Variants in GRHL2 observed in about 807,000 individuals in gnomAD.
GRHL2 encodes grainyhead like transcription factor 2, also known as grainyhead-like protein 2 homolog.
A neutral mutation model predicts 83.8 loss-of-function variants in GRHL2; 21 were observed. The observed-to-expected ratio is 0.25, with a 90% CI of 0.18 to 0.36. GRHL2 has a LOEUF of 0.36. GRHL2 is among the 10% of genes least tolerant of loss of function. The probability of loss-of-function intolerance (pLI) is 1.00; values close to 1 mark genes in which losing one functional copy is unlikely to be tolerated. For missense variants in GRHL2, 623 were observed against 781.8 expected (o/e 0.80, Z 2.42); for synonymous variants, 280 against 278.9 (o/e 1.00, Z -0.04).
chr8:101,556,413 C>T (rs1466074242), intron 3 of GRHL2, among the ~76,000 whole-genome samples: 5 of 152,118 alleles, frequency 3.3e-5, no homozygotes, highest in South Asian at 2.1e-4. Context: ...CAGAAGAATC[C>T]GTAAATTAGT....
chr8:101,652,456 CTGGTGTGTG>C (rs1813671150), intron 14 of GRHL2, among the ~76,000 whole-genome samples: 1 of 12,818 alleles, frequency 7.8e-5, no homozygotes, highest in Admixed American at 7.7e-4. Flanking sequence ...TGGTGTGTGT[CTGGTGTGTG>C]TGGTGTGTGT....
At chr8:101,542,853 T>C in intron 1 of GRHL2, 1 of 457,736 alleles carries the variant, frequency 2.2e-6, no homozygotes, top group Non-Finnish European at 4.4e-6. Flanking sequence ...TCAGTCACAA[T>C]GAACCCACTC....
chr8:101,539,552 G>C (rs1285401030), intron 1 of GRHL2, among the ~76,000 whole-genome samples: 1 of 152,064 alleles, frequency 6.6e-6, no homozygotes, highest in East Asian at 1.9e-4. Flanking sequence ...TAGAACCTCA[G>C]GAGTCCACCA....
In GRHL2 at chr8:101,596,443, G is replaced by A. The variant is rs560236469; in HGVS notation, c.1004-2614G>A. ...TTCACTTCTAAGAATATATATTAAC[G>A]AAATATAATTAAGCATATATGAATT... On this transcript the variant is annotated intron_variant, in intron 7 of 15. Coordinates refer to ENST00000646743, the MANE Select transcript of GRHL2 (RefSeq NM_024915.4). Among the ~76,000 whole-genome samples the A allele has an allele frequency of 6.8e-4, 103 of 152,008 alleles. 2 individuals are homozygous for A. In the South Asian group the frequency reaches 0.017, roughly 25 times the overall value.
rs5893575 is a variant in GRHL2, at chr8:101,601,159, A to AACACAC, written c.1098+2033_1098+2038dup. On this transcript the variant is annotated intron_variant, in intron 8 of 15. Transcript: ENST00000646743. ...TGGGTAACAGTATGAGACTGTCTTA[A>AACACAC]ACACACACACACACACACACACACA... 9.5e-3 allele frequency among the ~76,000 whole-genome samples: 1,307 copies of AACACAC among 137,462 alleles called. 24 individuals are homozygous for AACACAC. Among genetic ancestry groups the AACACAC allele is most frequent in the African/African-American group, 0.035 (1,218 of 35,114 alleles). 90.2% of individuals were successfully genotyped at this position (137,462 alleles called of 152,430 possible).
chr8:101,665,512 A>G (rs1458596292), intron 15 of GRHL2, among the ~76,000 whole-genome samples: 1 of 152,186 alleles, frequency 6.6e-6, no homozygotes, highest in Non-Finnish European at 1.5e-5. Flanking sequence ...ATTCACTAAA[A>G]TGCACGTTAT....
At chr8:101,654,495 C>A (rs1813742790) in intron 14 of GRHL2, among the ~76,000 whole-genome samples, 1 of 152,156 alleles carries the variant, frequency 6.6e-6, no homozygotes, top group African/African-American at 2.4e-5. Context: ...CTACTGAACA[C>A]CCAACTCCCT....
intron 7 of GRHL2, among the ~76,000 whole-genome samples, chr8:101,592,711 T>C (rs1467327477): frequency 1.3e-5 from 2 of 152,146 alleles, no homozygotes; most frequent in Admixed American, 1.3e-4. Flanking sequence ...CCCTCAAGCC[T>C]GTAAGCCATG....
intron 8 of GRHL2, among the ~76,000 whole-genome samples, chr8:101,616,997 C>T (rs1812869955): frequency 1.3e-5 from 2 of 152,106 alleles, no homozygotes; most frequent in Non-Finnish European, 2.9e-5. Context: ...ATACTTTATC[C>T]ATCATCTCAC....
chr8:101,658,805 C>A (rs1185346669), intron 14 of GRHL2, among the ~76,000 whole-genome samples: 1 of 152,010 alleles, frequency 6.6e-6, no homozygotes, highest in Non-Finnish European at 1.5e-5. Context: ...TCCAAGTAAC[C>A]CTAACCAAAG....
chr8:101,574,770 G>A (rs532250998), intron 6 of GRHL2, among the ~76,000 whole-genome samples: 4 of 152,266 alleles, frequency 2.6e-5, no homozygotes, highest in South Asian at 2.1e-4. Flanking sequence ...TCAAGACTGC[G>A]GTGAAGAATA....
intron 8 of GRHL2, among the ~76,000 whole-genome samples, chr8:101,607,115 A>G (rs956749175): frequency 1.3e-5 from 2 of 151,964 alleles, no homozygotes; most frequent in Non-Finnish European, 2.9e-5. Flanking sequence ...CCTTCCCTCT[A>G]TCTCTCTTCC....
chr8:101,641,905 A>G (rs888672451), intron 12 of GRHL2, among the ~76,000 whole-genome samples: 1 of 152,224 alleles, frequency 6.6e-6, no homozygotes, highest in Non-Finnish European at 1.5e-5. Context: ...TAGATTATTT[A>G]TAATACCTAA....
At chr8:101,522,752 C>T (rs645083) in intron 1 of GRHL2, among the ~76,000 whole-genome samples, 119,167 of 145,672 alleles carry the variant, frequency 0.82, 47,841 homozygotes, top group East Asian at 0.89. Context: ...TATATATATA[C>T]ACACACATAT....
rs536612105 is a variant in GRHL2 at position 101,565,738 on chromosome 8, C to A, written c.679-4601C>A. Among the ~76,000 whole-genome samples, 4 of 152,260 alleles carry A rather than the reference C, an allele frequency of 2.6e-5. No homozygotes were observed. The East Asian group carries it at 7.7e-4, about 29-fold the overall frequency. ...CCTGATCAACATAACTGCAAGAGGGCCGAGAAGTTTAATTCTCCCATTAGT... is the reference window on the plus strand; with the variant it reads ...CCTGATCAACATAACTGCAAGAGGGACGAGAAGTTTAATTCTCCCATTAGT... On this transcript the variant is annotated intron_variant, in intron 4 of 15. Coordinates refer to ENST00000646743, the MANE Select transcript of GRHL2 (RefSeq NM_024915.4).
chr8:101,545,641 G>A (rs1299679944), intron 2 of GRHL2, among the ~76,000 whole-genome samples: 1 of 151,866 alleles, frequency 6.6e-6, no homozygotes, highest in Non-Finnish European at 1.5e-5. Context: ...ATTGAGGATA[G>A]TTGGGAAGCA....
chr8:101,677,921 T>C, the GRHL2 span, among the ~76,000 whole-genome samples: 146 of 152,274 alleles, frequency 9.6e-4, no homozygotes, highest in African/African-American at 3.3e-3. Flanking sequence ...CATCTTTCCC[T>C]ATGCAATAAT....
chr8:101,564,970 T>C lies in GRHL2; in HGVS notation c.679-5369T>C, dbSNP rs146941945. On this transcript the variant is annotated intron_variant, in intron 4 of 15. Transcript: ENST00000646743. ...ATGTGGAAGCTTAGGGCAAAATGCA[T>C]ACTGGTTTCTGCCTTCTAGAAGCTT... Among the ~76,000 whole-genome samples, 1,277 of 152,340 alleles carry C rather than the reference T, an allele frequency of 8.4e-3. 19 individuals are homozygous for C. The highest frequency in any genetic ancestry group is 0.023 in the African/African-American group (969 of 41,576).
At chr8:101,628,490 A>G (rs1307790311) in intron 9 of GRHL2, among the ~76,000 whole-genome samples, 2 of 152,074 alleles carry the variant, frequency 1.3e-5, no homozygotes, top group Non-Finnish European at 2.9e-5. Flanking sequence ...CAAAAAGATT[A>G]ATATTGTTTT....
Sources: gnomAD v4.1 joint callset for allele counts (sites outside exome capture counted in the v4.1 genomes callset) on GRCh38, gnomAD v4.1.1 for gene constraint, MANE v1.5 for transcripts, NCBI Gene and HGNC (gene_info 2026-07-23, HGNC 2026-07-21) for gene names.